The following MYH15 variants were observed in gnomAD, a reference collection of about 807,000 sequenced individuals.
MYH15 encodes the protein myosin-15.
A neutral mutation model predicts 240.5 loss-of-function variants in MYH15; 227 were observed. That is an observed-to-expected ratio of 0.94 (90% CI 0.85 to 1.05). MYH15 has a LOEUF of 1.05. Ranked by LOEUF, MYH15 falls within the 50% of genes least tolerant of loss-of-function variation. The probability of loss-of-function intolerance (pLI) is 0.00; values close to 1 mark genes in which losing one functional copy is unlikely to be tolerated. For synonymous variants in MYH15, 785 were observed against 796.7 expected (o/e 0.99, Z 0.25); for missense variants, 2,217 against 2,247.5 (o/e 0.99, Z 0.27).
intron 1 of MYH15, among the ~76,000 whole-genome samples, chr3:108,516,717 T>C (rs564387232): frequency 6.6e-6 from 1 of 152,318 alleles, no homozygotes; most frequent in African/African-American, 2.4e-5. Flanking sequence ...CTACCTGCAA[T>C]TTATTTATTT....
At chr3:108,500,302 A>G in intron 3 of MYH15, 28 bp from the exon 4 acceptor site, 5 of 1,589,134 alleles carry the variant, frequency 3.1e-6, no homozygotes, top group Non-Finnish European at 4.3e-6. Context: ...AAGATTTCAG[A>G]AACTAGATTA....
At chr3:108,432,056 A>AT (rs142030579) in intron 25 of MYH15, among the ~76,000 whole-genome samples, 35,524 of 151,940 alleles carry the variant, frequency 0.23, 4,693 homozygotes, top group Non-Finnish European at 0.3. Context: ...AAATGCATTC[A>AT]GTTTTGTTTT....
rs147146884 is a variant in MYH15, at chr3:108,427,017, C to T, written c.3702+1475G>A. Among the ~76,000 whole-genome samples the T allele has an allele frequency of 7.8e-3, 1,185 of 152,308 alleles. 13 individuals carry two copies. Among genetic ancestry groups the T allele is most frequent in the African/African-American group, 0.022 (927 of 41,558 alleles). ...TCGGAATGGGAATGTCTATGCTATG[C>T]CTGTTCCACTATTTTATTGTGGAAA... On this transcript the variant is annotated intron_variant, in intron 27 of 40. Transcript: ENST00000693548.
chr3:108,421,058 G>A, intron 28 of MYH15, 30 bp downstream of exon 28: 1 of 1,612,942 alleles, frequency 6.2e-7, no homozygotes, highest in East Asian at 2.2e-5. Context: ...ATTGAGAATT[G>A]CCTATGAGTC....
At chr3:108,496,988 C>T (rs751871740) in intron 6 of MYH15, among the ~76,000 whole-genome samples, 21 of 151,148 alleles carry the variant, frequency 1.4e-4, no homozygotes, top group East Asian at 1.2e-3. Flanking sequence ...AGCGAAACCC[C>T]GTCTCTACTA....
intron 1 of MYH15, among the ~76,000 whole-genome samples, chr3:108,528,970 T>C (rs1237278360): frequency 6.6e-6 from 1 of 152,124 alleles, no homozygotes; most frequent in South Asian, 2.1e-4. Context: ...CCATGACCCT[T>C]GGTGTCTGAG....
At chr3:108,481,062 G>A (rs1161454425) in intron 11 of MYH15, among the ~76,000 whole-genome samples, 1 of 152,132 alleles carries the variant, frequency 6.6e-6, no homozygotes, top group East Asian at 1.9e-4. Context: ...TCAGTATCCA[G>A]TAAGATGCTT....
At chr3:108,420,860 T>G (rs1261085458) in intron 28 of MYH15, among the ~76,000 whole-genome samples, 1 of 152,160 alleles carries the variant, frequency 6.6e-6, no homozygotes. Context: ...TTATTATAAT[T>G]TTCTACTTCT....
At chr3:108,460,172 C>T (rs2083058817) in intron 17 of MYH15, 128 bp downstream of exon 17, 1 of 794,352 alleles carries the variant, frequency 1.3e-6, no homozygotes, top group Non-Finnish European at 1.9e-6. Context: ...ACAGCATAAA[C>T]TTCAACTTTT....
chr3:108,402,598 A>G (rs1405137345), intron 33 of MYH15, among the ~76,000 whole-genome samples: 1 of 152,250 alleles, frequency 6.6e-6, no homozygotes, highest in African/African-American at 2.4e-5. Flanking sequence ...TAGCCTTTCA[A>G]TCAGTGATCA....
chr3:108,421,246 C>A (rs1038094018), intron 27 of MYH15, 32 bp from the exon 28 acceptor site: 4 of 1,602,494 alleles, frequency 2.5e-6, no homozygotes, highest in South Asian at 1.1e-5. Flanking sequence ...CTGGTCAGGG[C>A]TCACAGAGGA....
At chr3:108,420,392 A>G (rs1272061944) in intron 28 of MYH15, among the ~76,000 whole-genome samples, 19 of 152,230 alleles carry the variant, frequency 1.2e-4, no homozygotes, top group Admixed American at 1.2e-3. Context: ...TGAGGAAATG[A>G]GTTGACAGTA....
Position 108,470,676 on chromosome 3 carries a change from C to T in MYH15, c.1383+22G>A, listed in dbSNP as rs749464516. On this transcript the variant is annotated intron_variant, in intron 13 of 40. Transcript: ENST00000693548. ...TCTTCTTATAAATATGCATTGACTT[C>T]CTTCTTACCAGATACACTTACCTCA... The T allele has an allele frequency of 3.7e-6, 6 of 1,610,336 alleles. No individual in the cohort carries two copies. In the East Asian group the frequency reaches 8.9e-5, roughly 24 times the overall value.
chr3:108,547,080 C>CATATATAT, the MYH15 span, among the ~76,000 whole-genome samples: 17 of 148,960 alleles, frequency 1.1e-4, no homozygotes, highest in African/African-American at 4.2e-4. Flanking sequence ...AAAAATAGGC[C>CATATATAT]ATATATATAT....
Position 108,492,679 on chromosome 3 carries a change from G to C in MYH15, c.776-84C>G, listed in dbSNP as rs574592940. On this transcript the variant is annotated intron_variant, in intron 8 of 40. Transcript: ENST00000693548. Reference sequence around the variant, plus strand: ...AAAAGTAATCAGGCTGAGCGCAGTGGCTCACAACTGTAATCCCAGCATTTT... The same window carrying C: ...AAAAGTAATCAGGCTGAGCGCAGTGCCTCACAACTGTAATCCCAGCATTTT... 25 of 940,466 alleles carry C rather than the reference G, an allele frequency of 2.7e-5. No individual in the cohort carries two copies. In the East Asian group the frequency reaches 6.2e-4, roughly 24 times the overall value. The allele number at this position is 940,466 out of a possible 1,614,324, so 58.3% of individuals were successfully genotyped here.
chr3:108,451,010 G>C (rs1039252561), intron 21 of MYH15, among the ~76,000 whole-genome samples: 3 of 152,062 alleles, frequency 2.0e-5, no homozygotes, highest in African/African-American at 7.2e-5. Flanking sequence ...AAAAATACTA[G>C]AAATGATAAT....
rs1472326446 is a variant in MYH15 at position 108,421,159 on chromosome 3, G to A, written c.3758C>T (p.Ala1253Val). ...LYEERLHEAT[A>V]KLDKVTQLAN... ...CAACTGAGTCACCTTATCTAGCTTT[G>A]CAGTTGCTTCATGCAAGCGCTCTTC... is the stretch of plus-strand genomic sequence containing the variant. Residue 1253 changes from alanine (A) to valine (V), a missense_variant, in exon 28 of 41, where the codon GCA becomes GTA. Ala to Val is a moderately conservative substitution (Grantham distance 64, BLOSUM62 0). Coordinates refer to ENST00000693548, the MANE Select transcript of MYH15 (RefSeq NM_014981.3). 6.2e-7 allele frequency: 1 copy of A among 1,613,916 alleles called. No homozygotes were observed. The highest frequency in any genetic ancestry group is 8.5e-7 in the Non-Finnish European group (1 of 1,179,992).
chr3:108,480,431 T>C (rs963213189), intron 11 of MYH15, among the ~76,000 whole-genome samples: 1 of 152,242 alleles, frequency 6.6e-6, no homozygotes, highest in African/African-American at 2.4e-5. Context: ...GCAGAAGACA[T>C]CTAATGCCGC....
At chr3:108,511,953 C>G (rs1409523980), upstream of MYH15, among the ~76,000 whole-genome samples, 2 of 152,120 alleles carry the variant, frequency 1.3e-5, no homozygotes, top group Non-Finnish European at 2.9e-5. Context: ...TTTATTTCTG[C>G]CAGCAAATAG....
Sources: gnomAD v4.1 joint callset for allele counts (sites outside exome capture counted in the v4.1 genomes callset) on GRCh38, gnomAD v4.1.1 for gene constraint, MANE v1.5 for transcripts, NCBI Gene and HGNC (gene_info 2026-07-23, HGNC 2026-07-21) for gene names.